DCLK1: variants seen among roughly 807,000 people sequenced by gnomAD.
The protein encoded by DCLK1 is doublecortin like kinase 1, also known as serine/threonine-protein kinase DCLK1.
DCLK1 carries 16 observed loss-of-function variants against 86.2 expected under a neutral mutation model. The observed-to-expected ratio is 0.19, with a 90% CI of 0.13 to 0.28. The LOEUF is 0.28. Ranked by LOEUF, DCLK1 falls within the 10% of genes least tolerant of loss-of-function variation. The pLI is 1.00. For missense variants in DCLK1, 590 were observed against 940.2 expected (o/e 0.63, Z 4.87); for synonymous variants, 369 against 370.5 (o/e 1.00, Z 0.05).
At position 35,825,085 on chromosome 13, in the gene DCLK1, G is replaced by A. The variant is rs117815396; in HGVS notation, c.1408-2210C>T. Among the ~76,000 whole-genome samples, 44 of 152,318 alleles carry A rather than the reference G, an allele frequency of 2.9e-4. No individual in the cohort carries two copies. In the East Asian group the frequency reaches 8.5e-3, roughly 29 times the overall value. ...GGCAGAAGGCTAAAGTCCTGTGCCT[G>A]ATGAGCATGGAATTTCATTCTCATT... On this transcript the variant is annotated intron_variant, in intron 10 of 16. Transcript: ENST00000360631.
intron 2 of DCLK1, among the ~76,000 whole-genome samples, chr13:36,117,154 C>T (rs546896708): frequency 1.4e-5 from 2 of 147,246 alleles, no homozygotes; most frequent in East Asian, 2.1e-4. Context: ...AACAGAAAAA[C>T]AACATTAAGG....
At chr13:35,804,597 T>C (rs917634739) in intron 15 of DCLK1, among the ~76,000 whole-genome samples, 8 of 151,884 alleles carry the variant, frequency 5.3e-5, no homozygotes, top group Non-Finnish European at 1.0e-4. Flanking sequence ...CACACCCAGC[T>C]AATTTTTGTA....
At chr13:35,993,159 C>T (rs1880312460) in intron 3 of DCLK1, among the ~76,000 whole-genome samples, 1 of 152,178 alleles carries the variant, frequency 6.6e-6, no homozygotes, top group African/African-American at 2.4e-5. Context: ...GTTGCTCAAG[C>T]TGCTCTGCTC....
chr13:35,798,001 G>A (rs896170815), intron 15 of DCLK1, among the ~76,000 whole-genome samples: 2 of 152,120 alleles, frequency 1.3e-5, no homozygotes, highest in Admixed American at 1.3e-4. Flanking sequence ...ATTACCATAC[G>A]TTCTGGTTTG....
chr13:35,902,025 G>A (rs1258662239), intron 4 of DCLK1, among the ~76,000 whole-genome samples: 3 of 152,092 alleles, frequency 2.0e-5, no homozygotes, highest in Non-Finnish European at 4.4e-5. Flanking sequence ...ACTTTGAAGG[G>A]TAATGTATGT....
At chr13:36,076,238 C>T (rs532153836) in intron 3 of DCLK1, among the ~76,000 whole-genome samples, 2 of 152,260 alleles carry the variant, frequency 1.3e-5, no homozygotes, top group Admixed American at 1.3e-4. Context: ...ACCCATTCAG[C>T]ATGTTAATAA....
chr13:36,087,753 A>G (rs529504102), intron 3 of DCLK1, among the ~76,000 whole-genome samples: 1 of 152,042 alleles, frequency 6.6e-6, no homozygotes, highest in Admixed American at 6.6e-5. Flanking sequence ...GGGAGTGGGC[A>G]AAGGTCAGTT....
intron 3 of DCLK1, among the ~76,000 whole-genome samples, chr13:36,094,026 C>A (rs1195493979): frequency 6.6e-6 from 1 of 152,142 alleles, no homozygotes; most frequent in African/African-American, 2.4e-5. Context: ...GTAGATGGCA[C>A]TACAGGCACC....
chr13:35,988,529 G>A (rs1353998059), intron 3 of DCLK1, among the ~76,000 whole-genome samples: 1 of 152,164 alleles, frequency 6.6e-6, no homozygotes, highest in Non-Finnish European at 1.5e-5. Context: ...AAATCTTACA[G>A]CTTAATATTT....
intron 15 of DCLK1, among the ~76,000 whole-genome samples, chr13:35,802,361 T>C (rs983090906): frequency 2.0e-5 from 3 of 151,744 alleles, no homozygotes; most frequent in African/African-American, 7.3e-5. Context: ...AAAATGATTA[T>C]TTGTCACCTA....
chr13:35,959,195 C>T lies in DCLK1; in HGVS notation c.724-11738G>A, dbSNP rs146893346. Among the ~76,000 whole-genome samples, 440 of 152,224 alleles carry T rather than the reference C, an allele frequency of 2.9e-3. 3 individuals are homozygous for T. Among genetic ancestry groups the T allele is most frequent in the African/African-American group, 9.5e-3 (394 of 41,526 alleles). On this transcript the variant is annotated intron_variant, in intron 3 of 16. Transcript: ENST00000360631. Reference sequence around the variant, plus strand: ...TCATTGTATACTATGTATATTAGAGCATCTACAATTAATTCTTTTCTATTT... The same window carrying T: ...TCATTGTATACTATGTATATTAGAGTATCTACAATTAATTCTTTTCTATTT...
At chr13:35,810,597 C>T (rs951006686) in intron 12 of DCLK1, among the ~76,000 whole-genome samples, 1 of 152,164 alleles carries the variant, frequency 6.6e-6, no homozygotes, top group Non-Finnish European at 1.5e-5. Context: ...TCTGTTCTAC[C>T]TTTAACAAAG....
chr13:35,982,433 G>GGAGGGAGGGAGGGA (rs1566631731), intron 3 of DCLK1, among the ~76,000 whole-genome samples: 3 of 21,692 alleles, frequency 1.4e-4, no homozygotes, highest in African/African-American at 4.4e-4. Context: ...AGAGAGAGAG[G>GGAGGGAGGGAGGGA]GGGAGGGAGG....
chr13:35,862,413 G>A (rs574416425), intron 5 of DCLK1, among the ~76,000 whole-genome samples: 103 of 152,098 alleles, frequency 6.8e-4, no homozygotes, highest in African/African-American at 2.2e-3. Flanking sequence ...CAGCTCTTTC[G>A]GTTCTGTCTT....
At chr13:35,966,163 G>C (rs1374468658) in intron 3 of DCLK1, among the ~76,000 whole-genome samples, 5 of 152,162 alleles carry the variant, frequency 3.3e-5, no homozygotes, top group Non-Finnish European at 7.4e-5. Flanking sequence ...TGGGGAAACT[G>C]GAACTCTTGT....
intron 3 of DCLK1, among the ~76,000 whole-genome samples, chr13:36,014,515 G>C (rs1018593511): frequency 1.3e-5 from 2 of 152,054 alleles, no homozygotes; most frequent in Non-Finnish European, 2.9e-5. Flanking sequence ...ACCTGTGAAT[G>C]ACTAACTAAT....
intron 4 of DCLK1, among the ~76,000 whole-genome samples, chr13:35,880,191 T>A (rs894747259): frequency 6.6e-6 from 1 of 152,254 alleles, no homozygotes. Context: ...GGTCTTCCAA[T>A]AGTCTGTTAA....
intron 4 of DCLK1, among the ~76,000 whole-genome samples, chr13:35,939,273 G>A (rs907580355): frequency 5.9e-5 from 9 of 152,098 alleles, no homozygotes; most frequent in Admixed American, 5.2e-4. Context: ...TCAGACATCA[G>A]GCTGAATTCT....
chr13:36,095,730 G>C (rs1455228326), intron 3 of DCLK1, among the ~76,000 whole-genome samples: 1 of 151,370 alleles, frequency 6.6e-6, no homozygotes, highest in African/African-American at 2.4e-5. Flanking sequence ...CATCTGAGAA[G>C]CATAACTTTC....
Sources: gnomAD v4.1 joint callset for allele counts (sites outside exome capture counted in the v4.1 genomes callset) on GRCh38, gnomAD v4.1.1 for gene constraint, MANE v1.5 for transcripts, NCBI Gene and HGNC (gene_info 2026-07-23, HGNC 2026-07-21) for gene names.